The following AK8 variants were observed in gnomAD, a reference collection of about 807,000 sequenced individuals.
AK8 encodes ATP-AMP transphosphorylase 8.
Under a neutral mutation model 54.6 loss-of-function variants are expected in AK8, and 44 were observed. That is an observed-to-expected ratio of 0.81 (90% confidence interval 0.63 to 1.04). AK8 has a LOEUF of 1.04. AK8 is among the 50% of genes least tolerant of loss of function. AK8 has a pLI of 0.00. For missense variants in AK8, 555 were observed against 613.6 expected (o/e 0.90, Z 1.01); for synonymous variants, 239 against 245.6 (o/e 0.97, Z 0.25).
intron 12 of AK8, 107 bp from the exon 13 acceptor site, chr9:132,726,032 C>A: frequency 1.1e-6 from 1 of 877,564 alleles, no homozygotes; most frequent in Non-Finnish European, 1.8e-6. Flanking sequence ...CTGGCCACCA[C>A]CACCATCACC....
chr9:132,831,881 C>A (rs1191026121), intron 5 of AK8, among the ~76,000 whole-genome samples: 2 of 151,464 alleles, frequency 1.3e-5, no homozygotes, highest in Non-Finnish European at 2.9e-5. Context: ...ACAATGAGAC[C>A]CCCCCACTCT....
intron 11 of AK8, among the ~76,000 whole-genome samples, chr9:132,756,570 C>T (rs1453908829): frequency 6.6e-6 from 1 of 152,200 alleles, no homozygotes; most frequent in Non-Finnish European, 1.5e-5. Flanking sequence ...AGGCGATCAG[C>T]TGCCGGGGGC....
rs111927792 is a variant in AK8, at chr9:132,767,201, CA to C, written c.1121+25432del. ...AGAGTGAAGAGACAACCTATGGAAT[CA>C]AAGGAAGTATTTGTAAACTATCCAT... On this transcript the variant is annotated intron_variant, in intron 11 of 12. Transcript: ENST00000298545. Among the ~76,000 whole-genome samples, 813 of 152,228 alleles carry C rather than the reference CA, an allele frequency of 5.3e-3. 6 individuals carry two copies. Among genetic ancestry groups the C allele is most frequent in the African/African-American group, 0.019 (773 of 41,554 alleles).
intron 6 of AK8, among the ~76,000 whole-genome samples, 192 bp from the exon 7 acceptor site, chr9:132,828,276 G>A (rs892191944): frequency 6.6e-6 from 1 of 152,188 alleles, no homozygotes; most frequent in Admixed American, 6.5e-5. Context: ...AGAGTGTAAC[G>A]TTGGGACAGA....
At chr9:132,812,323 C>T (rs978075583) in intron 10 of AK8, among the ~76,000 whole-genome samples, 15 of 151,178 alleles carry the variant, frequency 9.9e-5, no homozygotes, top group Non-Finnish European at 1.9e-4. Flanking sequence ...CTCTGCCTCC[C>T]CGGTTCAAGC....
At chr9:132,746,499 C>T (rs539989635) in intron 11 of AK8, among the ~76,000 whole-genome samples, 39 of 152,338 alleles carry the variant, frequency 2.6e-4, no homozygotes, top group Non-Finnish European at 4.6e-4. Flanking sequence ...GGCACTAACC[C>T]GTGGCCTTAG....
intron 10 of AK8, among the ~76,000 whole-genome samples, chr9:132,800,413 TGAG>T (rs1379145095): frequency 3.3e-5 from 5 of 152,108 alleles, no homozygotes; most frequent in Admixed American, 6.5e-5. Context: ...GAGAAGAGAA[TGAG>T]GAGAAACTGG....
intron 11 of AK8, among the ~76,000 whole-genome samples, chr9:132,740,203 A>C (rs1837305818): frequency 6.6e-6 from 1 of 152,240 alleles, no homozygotes; most frequent in South Asian, 2.1e-4. Flanking sequence ...TACTGGTCAG[A>C]CAGCCACTTT....
At chr9:132,739,359 T>C (rs1837260570) in intron 11 of AK8, among the ~76,000 whole-genome samples, 1 of 138,856 alleles carries the variant, frequency 7.2e-6, no homozygotes, top group Admixed American at 8.1e-5. Context: ...GGAGAATCGC[T>C]TGAACCTGGG....
At chr9:132,821,277 C>T (rs1481773549) in intron 9 of AK8, among the ~76,000 whole-genome samples, 1 of 152,024 alleles carries the variant, frequency 6.6e-6, no homozygotes, top group Non-Finnish European at 1.5e-5. Flanking sequence ...TCCACGCTCA[C>T]TCTGTCCCTT....
Position 132,744,119 on chromosome 9 carries a change from G to A in AK8, c.1122-16585C>T, listed in dbSNP as rs571152068. Reference sequence around the variant, plus strand: ...CAGACTCCTCTGTGTCCCCCGTTACGTAGGGGGTGTGCCGGCTCACACCCT... The same window carrying A: ...CAGACTCCTCTGTGTCCCCCGTTACATAGGGGGTGTGCCGGCTCACACCCT... On this transcript the variant is annotated intron_variant, in intron 11 of 12. Transcript: ENST00000298545. 1.1e-4 allele frequency among the ~76,000 whole-genome samples: 17 copies of A among 152,188 alleles called. No homozygotes were observed. The South Asian group carries it at 3.1e-3, about 28-fold the overall frequency.
At chr9:132,807,705 CT>C (rs1172203944) in intron 10 of AK8, among the ~76,000 whole-genome samples, 3 of 152,220 alleles carry the variant, frequency 2.0e-5, no homozygotes, top group African/African-American at 7.2e-5. Flanking sequence ...GCAGTGCAGA[CT>C]TCAGACTTCT....
intron 8 of AK8, among the ~76,000 whole-genome samples, chr9:132,824,902 C>T (rs1017023770): frequency 2.6e-5 from 4 of 152,104 alleles, no homozygotes; most frequent in African/African-American, 9.7e-5. Context: ...TTTCTTTGGC[C>T]CAACAATCCC....
Position 132,865,893 on chromosome 9 carries a change from T to C in AK8, c.219+1011A>G, listed in dbSNP as rs1232620537. Among the ~76,000 whole-genome samples, 4 of 152,080 alleles carry C rather than the reference T, an allele frequency of 2.6e-5. No individual in the cohort carries two copies. The East Asian group carries it at 5.8e-4, about 22-fold the overall frequency. On this transcript the variant is annotated intron_variant, in intron 3 of 12. Transcript: ENST00000298545. The stretch of plus-strand genomic sequence containing the variant: ...AGATGAATGAAATTTTAACACATTT[T>C]TGGTACTTAAAAATGGACCTTAGGC...
intron 10 of AK8, among the ~76,000 whole-genome samples, chr9:132,802,343 A>G (rs1159995607): frequency 6.6e-6 from 1 of 152,116 alleles, no homozygotes; most frequent in Non-Finnish European, 1.5e-5. Flanking sequence ...CGGTGTCTCA[A>G]TCCCCTCCCT....
chr9:132,831,270 G>T (rs930125081), intron 5 of AK8, among the ~76,000 whole-genome samples: 3 of 151,842 alleles, frequency 2.0e-5, no homozygotes, highest in African/African-American at 7.3e-5. Context: ...ATTCCACTGG[G>T]ATTCTGGAAC....
At chr9:132,764,402 A>G (rs1183873284) in intron 11 of AK8, among the ~76,000 whole-genome samples, 2 of 152,218 alleles carry the variant, frequency 1.3e-5, no homozygotes, top group Non-Finnish European at 2.9e-5. Context: ...AAATTAAGTC[A>G]GTTTTTAACA....
chr9:132,802,013 C>G (rs1177278947), intron 10 of AK8, among the ~76,000 whole-genome samples: 4 of 152,214 alleles, frequency 2.6e-5, no homozygotes, highest in Non-Finnish European at 4.4e-5. Flanking sequence ...AAACTCTGCC[C>G]TGCGCTCTGC....
intron 5 of AK8, among the ~76,000 whole-genome samples, chr9:132,853,229 A>G (rs1843038422): frequency 6.6e-6 from 1 of 151,612 alleles, no homozygotes; most frequent in African/African-American, 2.4e-5. Context: ...ATGGTGACGC[A>G]TGCCTGTAAT....
Sources: allele counts gnomAD v4.1 joint callset (sites outside exome capture counted in the v4.1 genomes callset), GRCh38; gene constraint gnomAD v4.1.1; transcripts MANE v1.5; gene names NCBI Gene and HGNC (gene_info 2026-07-23, HGNC 2026-07-21).